TNRC6B: variants seen among roughly 807,000 people sequenced by gnomAD.
TNRC6B encodes trinucleotide repeat containing adaptor 6B, also known as trinucleotide repeat-containing gene 6B protein.
Under a neutral mutation model 203.6 loss-of-function variants are expected in TNRC6B, and 52 were observed. The ratio of observed to expected loss-of-function variants is 0.26; its 90% CI spans 0.20 to 0.32. The LOEUF is 0.32. Among genes scored for constraint, TNRC6B ranks in the 10% least tolerant of loss-of-function variants. The pLI is 1.00. For missense variants in TNRC6B, 1,923 were observed against 2,286.2 expected, an observed-to-expected ratio of 0.84 and a Z score of 3.24; for synonymous variants, 838 against 845.7, an observed-to-expected ratio of 0.99 and a Z score of 0.16.
chr22:40,293,847 T>C (rs2070901800), intron 12 of TNRC6B, among the ~76,000 whole-genome samples: 1 of 151,798 alleles, frequency 6.6e-6, no homozygotes, highest in Non-Finnish European at 1.5e-5. Context: ...CATATCAGAA[T>C]GATTTCAAAG....
At chr22:40,226,886 C>T (rs1316457951) in intron 1 of TNRC6B, among the ~76,000 whole-genome samples, 2 of 151,900 alleles carry the variant, frequency 1.3e-5, no homozygotes, top group African/African-American at 4.8e-5. Flanking sequence ...TGTTGAGAGG[C>T]AGGAGGCCTC....
intron 1 of TNRC6B, among the ~76,000 whole-genome samples, chr22:40,193,838 G>C (rs982765462): frequency 4.6e-5 from 7 of 151,584 alleles, no homozygotes; most frequent in Non-Finnish European, 1.0e-4. Flanking sequence ...AAAACATGTG[G>C]AACAGCGCCA....
chr22:40,309,576 A>G (rs78709445), intron 16 of TNRC6B, among the ~76,000 whole-genome samples: 1 of 152,226 alleles, frequency 6.6e-6, no homozygotes, highest in Non-Finnish European at 1.5e-5. Context: ...GGACTGAATA[A>G]TCTAAGCCCA....
intron 12 of TNRC6B, among the ~76,000 whole-genome samples, chr22:40,293,085 C>G (rs960667280): frequency 1.3e-5 from 2 of 151,420 alleles, no homozygotes; most frequent in African/African-American, 4.8e-5. Flanking sequence ...CATTATATGA[C>G]TATACCATAA....
intron 2 of TNRC6B, chr22:40,125,653 A>T: frequency 1.6e-6 from 1 of 616,286 alleles, no homozygotes; most frequent in Non-Finnish European, 2.8e-6. Flanking sequence ...ACACAAAGTT[A>T]CTCAAAGTTA....
At chr22:40,222,302 AT>A (rs2069721353) in intron 1 of TNRC6B, among the ~76,000 whole-genome samples, 1 of 152,224 alleles carries the variant, frequency 6.6e-6, no homozygotes, top group South Asian at 2.1e-4. Flanking sequence ...GGTGTCAGGA[AT>A]AAAAGGGGCT....
chr22:40,054,907 C>T (rs573199618), intron 1 of TNRC6B, among the ~76,000 whole-genome samples: 1 of 150,948 alleles, frequency 6.6e-6, no homozygotes. Flanking sequence ...TGTAGTAGTG[C>T]GCGCCAGTAG....
intron 1 of TNRC6B, among the ~76,000 whole-genome samples, chr22:40,046,784 A>G (rs910203520): frequency 6.6e-6 from 1 of 151,718 alleles, no homozygotes; most frequent in Non-Finnish European, 1.5e-5. Context: ...AGCTGGGACT[A>G]CAGGCGCCCG....
intron 1 of TNRC6B, among the ~76,000 whole-genome samples, chr22:40,222,708 G>A (rs2069726821): frequency 8.6e-6 from 1 of 116,650 alleles, no homozygotes; most frequent in Admixed American, 9.7e-5. Flanking sequence ...GTAACATCTT[G>A]CTGTATTCTC....
intron 4 of TNRC6B, among the ~76,000 whole-genome samples, chr22:40,159,435 C>G (rs963871750): frequency 5.4e-5 from 8 of 147,714 alleles, no homozygotes; most frequent in Non-Finnish European, 1.2e-4. Flanking sequence ...GTCAGGAGAT[C>G]GAGACCATCC....
chr22:40,184,899 T>C (rs1487701546), intron 1 of TNRC6B, among the ~76,000 whole-genome samples: 1 of 152,204 alleles, frequency 6.6e-6, no homozygotes, highest in Non-Finnish European at 1.5e-5. Flanking sequence ...TTTGGAATCA[T>C]TGAATCCTGA....
intron 1 of TNRC6B, among the ~76,000 whole-genome samples, chr22:40,087,510 A>G (rs1396546729): frequency 1.3e-5 from 2 of 152,238 alleles, no homozygotes; most frequent in East Asian, 1.9e-4. Flanking sequence ...ACAATTATAT[A>G]TGTAATTCCA....
chr22:40,132,943 C>CAAAAATAAAAAAT lies in TNRC6B; in HGVS notation c.45+7086_45+7087insTAAAAAATAAAAA, dbSNP rs1292227314. ...TGGGGGACAGAGCAAGACTCTGTCT[C>CAAAAATAAAAAAT]AAAAAAAAAAAAAAAAAAAAAAAAA... On this transcript the variant is annotated intron_variant, in intron 3 of 23. Transcript: ENST00000301923. Among the ~76,000 whole-genome samples the CAAAAATAAAAAAT allele has an allele frequency of 1.7e-3, 41 of 23,870 alleles. 7 individuals carry two copies. The highest frequency in any genetic ancestry group is 0.013 in the Admixed American group (17 of 1,264). The allele number at this position is 23,870 out of a possible 152,430, so 15.7% of individuals were successfully genotyped here.
intron 2 of TNRC6B, among the ~76,000 whole-genome samples, chr22:40,118,464 C>G (rs1044278990): frequency 6.6e-6 from 1 of 152,126 alleles, no homozygotes; most frequent in African/African-American, 2.4e-5. Context: ...CAAAGAAGAA[C>G]GGTTCTACAT....
intron 1 of TNRC6B, among the ~76,000 whole-genome samples, chr22:40,050,421 A>G (rs1420755360): frequency 6.6e-6 from 1 of 152,058 alleles, no homozygotes; most frequent in Non-Finnish European, 1.5e-5. Context: ...TCAGTTCCTC[A>G]AATTGCCCAA....
chr22:40,295,999 G>A (rs547462679), intron 12 of TNRC6B, among the ~76,000 whole-genome samples: 2 of 152,144 alleles, frequency 1.3e-5, no homozygotes, highest in Non-Finnish European at 2.9e-5. Context: ...TCTTCGAGGG[G>A]AGTTTAATGA....
chr22:40,238,376 T>C (rs1416475480), intron 1 of TNRC6B, among the ~76,000 whole-genome samples: 1 of 152,168 alleles, frequency 6.6e-6, no homozygotes, highest in Non-Finnish European at 1.5e-5. Flanking sequence ...TTTAGGTGCT[T>C]GTGTTCACCA....
At chr22:40,082,281 C>A (rs1222116804) in intron 1 of TNRC6B, among the ~76,000 whole-genome samples, 2 of 152,076 alleles carry the variant, frequency 1.3e-5, no homozygotes, top group African/African-American at 4.8e-5. Flanking sequence ...ATTATAGATA[C>A]AATGGTCAGG....
At chr22:40,283,967 A>G (rs539637287) in intron 11 of TNRC6B, among the ~76,000 whole-genome samples, 1 of 152,364 alleles carries the variant, frequency 6.6e-6, no homozygotes, top group South Asian at 2.1e-4. Context: ...TAACTAAGTC[A>G]TTACTTTGAT....
Sources: allele counts gnomAD v4.1 joint callset (sites outside exome capture counted in the v4.1 genomes callset), GRCh38; gene constraint gnomAD v4.1.1; transcripts MANE v1.5; gene names NCBI Gene and HGNC (gene_info 2026-07-23, HGNC 2026-07-21).